PTPRD: variants seen among roughly 807,000 people sequenced by gnomAD.
PTPRD encodes receptor-type tyrosine-protein phosphatase delta.
In PTPRD, 34 loss-of-function variants were observed where a neutral mutation model predicts 214.5. That is an observed-to-expected ratio of 0.16 (90% CI 0.12 to 0.21). PTPRD has a LOEUF of 0.21. Among genes scored for constraint, PTPRD ranks in the 10% least tolerant of loss-of-function variants. The probability of loss-of-function intolerance (pLI) is 1.00; values close to 1 mark genes in which losing one functional copy is unlikely to be tolerated. For missense variants in PTPRD, 2,545 were observed against 2,398.7 expected (o/e 1.06, Z -1.27); for synonymous variants, 1,128 against 845.7 (o/e 1.33, Z -5.79).
chr9:9,914,704 A>T (rs985849709), intron 5 of PTPRD, among the ~76,000 whole-genome samples: 1 of 150,288 alleles, frequency 6.7e-6, no homozygotes, highest in African/African-American at 2.5e-5. Flanking sequence ...TGAGCTTGAA[A>T]AACATCCCCA....
intron 9 of PTPRD, among the ~76,000 whole-genome samples, chr9:9,392,357 T>A (rs554306995): frequency 6.6e-6 from 1 of 152,156 alleles, no homozygotes; most frequent in Non-Finnish European, 1.5e-5. Context: ...TACAGATAGG[T>A]CATTGGTAAC....
At chr9:9,867,984 A>G (rs1206760112) in intron 5 of PTPRD, among the ~76,000 whole-genome samples, 4 of 152,132 alleles carry the variant, frequency 2.6e-5, no homozygotes, top group Non-Finnish European at 4.4e-5. Flanking sequence ...GAATAGCTAG[A>G]CTAATTCCTT....
intron 34 of PTPRD, 87 bp from the exon 35 acceptor site, chr9:8,436,776 G>T: frequency 9.7e-7 from 1 of 1,027,710 alleles, no homozygotes; most frequent in African/African-American, 1.6e-5. Flanking sequence ...ACTATAGTTA[G>T]AAATGGCCTG....
At chr9:10,004,680 T>A (rs2096429076) in intron 4 of PTPRD, among the ~76,000 whole-genome samples, 1 of 151,976 alleles carries the variant, frequency 6.6e-6, no homozygotes, top group Admixed American at 6.6e-5. Context: ...TTTTAGATAA[T>A]TCTATTTTTA....
chr9:10,199,028 A>G (rs1450252496), intron 3 of PTPRD, among the ~76,000 whole-genome samples: 4 of 151,036 alleles, frequency 2.6e-5, no homozygotes, highest in African/African-American at 9.7e-5. Context: ...CCTACACAGA[A>G]TTTTCTTTTT....
chr9:10,300,399 C>T (rs1417983817), intron 3 of PTPRD, among the ~76,000 whole-genome samples: 2 of 152,138 alleles, frequency 1.3e-5, no homozygotes, highest in Non-Finnish European at 2.9e-5. Context: ...ACCTGGAATG[C>T]CAGCAAGACA....
chr9:8,404,470 C>G, intron 36 of PTPRD, 67 bp downstream of exon 36: 5 of 1,546,182 alleles, frequency 3.2e-6, no homozygotes, highest in Non-Finnish European at 4.4e-6. Flanking sequence ...CTCACTAAAA[C>G]AATATTCTCA....
intron 10 of PTPRD, among the ~76,000 whole-genome samples, chr9:9,142,600 A>G (rs1157790159): frequency 1.3e-5 from 2 of 152,186 alleles, no homozygotes; most frequent in Non-Finnish European, 2.9e-5. Context: ...TGTTCATTGC[A>G]TGTTTAAGCT....
At position 10,589,918 on chromosome 9, in the gene PTPRD, A is replaced by G. The variant is rs186668763; in HGVS notation, c.-600+22480T>C. Among the ~76,000 whole-genome samples, 245 of 152,238 alleles carry G rather than the reference A, an allele frequency of 1.6e-3. 2 individuals carry two copies. The highest frequency in any genetic ancestry group is 5.7e-3 in the African/African-American group (238 of 41,570). ...GAAATGCATAAGCTAGAATATTTTA[A>G]AAACAAATTTAATTTGTTATTACTA... On this transcript the variant is annotated intron_variant, in intron 2 of 45. Transcript: ENST00000381196.
chr9:8,578,681 T>C (rs1159799303), intron 14 of PTPRD, among the ~76,000 whole-genome samples: 1 of 152,118 alleles, frequency 6.6e-6, no homozygotes, highest in African/African-American at 2.4e-5. Context: ...AATGGCAAAG[T>C]GTTTGAAATC....
rs985633224 is a variant in PTPRD at position 9,498,209 on chromosome 9, T to C, written c.-237+76523A>G. 3.9e-5 allele frequency among the ~76,000 whole-genome samples: 6 copies of C among 152,144 alleles called. 1 individual carries two copies. Among genetic ancestry groups the C allele is most frequent in the Non-Finnish European group, 8.8e-5 (6 of 67,986 alleles). On this transcript the variant is annotated intron_variant, in intron 8 of 45. Transcript: ENST00000381196. Reference sequence around the variant, plus strand: ...GGATTTTGAATTAAAAATAAAATTATGCTCTTTGAGTGGCATTCTGCAAGA... The same window carrying C: ...GGATTTTGAATTAAAAATAAAATTACGCTCTTTGAGTGGCATTCTGCAAGA...
intron 7 of PTPRD, among the ~76,000 whole-genome samples, chr9:9,642,307 C>G (rs1464881556): frequency 6.8e-6 from 1 of 146,034 alleles, no homozygotes; most frequent in African/African-American, 2.5e-5. Flanking sequence ...GGAGATATAC[C>G]TAAGGCTAGA....
At chr9:10,310,193 T>C (rs779729232) in intron 3 of PTPRD, among the ~76,000 whole-genome samples, 1 of 152,088 alleles carries the variant, frequency 6.6e-6, no homozygotes, top group African/African-American at 2.4e-5. Flanking sequence ...TTCTCATTTG[T>C]TTCAGGGACA....
chr9:8,608,701 G>A (rs878870513), intron 14 of PTPRD, among the ~76,000 whole-genome samples: 1 of 152,024 alleles, frequency 6.6e-6, no homozygotes, highest in African/African-American at 2.4e-5. Context: ...GAGTACTGAC[G>A]GCAAATGGAT....
chr9:8,849,170 A>AT (rs1249630221), intron 11 of PTPRD, among the ~76,000 whole-genome samples: 12 of 130,450 alleles, frequency 9.2e-5, no homozygotes, highest in South Asian at 2.9e-4. Context: ...CTCAAAAAAA[A>AT]ATTTTTTTTT....
At chr9:10,444,677 T>G (rs1179165565) in intron 2 of PTPRD, among the ~76,000 whole-genome samples, 1 of 151,668 alleles carries the variant, frequency 6.6e-6, no homozygotes, top group African/African-American at 2.4e-5. Context: ...ATTTGGAAAC[T>G]CTTATGATTC....
chr9:10,278,928 C>A (rs1158926451), intron 3 of PTPRD, among the ~76,000 whole-genome samples: 3 of 152,034 alleles, frequency 2.0e-5, no homozygotes, highest in Non-Finnish European at 2.9e-5. Context: ...GCACACACCA[C>A]CACGCCAGGC....
intron 7 of PTPRD, among the ~76,000 whole-genome samples, chr9:9,575,769 G>GAAAA (rs2088448573): frequency 1.6e-5 from 1 of 63,252 alleles, no homozygotes; most frequent in Non-Finnish European, 3.3e-5. Context: ...AAGAAAAAAA[G>GAAAA]AAAAAGAAAG....
intron 2 of PTPRD, among the ~76,000 whole-genome samples, chr9:10,442,205 T>A (rs1194760631): frequency 6.6e-6 from 1 of 151,670 alleles, no homozygotes; most frequent in Non-Finnish European, 1.5e-5. Flanking sequence ...ATTTAAAATG[T>A]TTCTTAAATC....
Sources: gnomAD v4.1 joint callset for allele counts (sites outside exome capture counted in the v4.1 genomes callset) on GRCh38, gnomAD v4.1.1 for gene constraint, MANE v1.5 for transcripts, NCBI Gene and HGNC (gene_info 2026-07-23, HGNC 2026-07-21) for gene names.